Variants in MAOB observed in about 807,000 individuals in gnomAD.
MAOB encodes amine oxidase [flavin-containing] B.
MAOB carries 15 observed loss-of-function variants against 41.9 expected under a neutral mutation model. The ratio of observed to expected loss-of-function variants is 0.36; its 90% CI spans 0.24 to 0.55. The LOEUF (loss-of-function observed/expected upper bound fraction) is 0.55, where lower values mean the gene tolerates loss of function less well. Among genes scored for constraint, MAOB ranks in the 20% least tolerant of loss-of-function variants. The pLI, the probability that MAOB is intolerant of heterozygous loss-of-function variation, is 0.86. For missense variants in MAOB, 345 were observed against 398.7 expected (o/e 0.87, Z 1.15); for synonymous variants, 167 against 144.2 (o/e 1.16, Z -1.13).
At chrX:43,856,559 C>A (rs1160284144) in intron 1 of MAOB, among the ~76,000 whole-genome samples, 1 of 111,795 alleles carries the variant, frequency 8.9e-6, no homozygotes, top group Non-Finnish European at 1.9e-5. Flanking sequence ...TTGGCTCTCC[C>A]AAAACTCAAT....
chrX:43,796,463 G>A (rs1013566539), intron 6 of MAOB, among the ~76,000 whole-genome samples: 1 of 111,119 alleles, frequency 9.0e-6, no homozygotes, highest in African/African-American at 3.3e-5. Flanking sequence ...ACTTCCAAAT[G>A]TTCTACCTGG....
intron 8 of MAOB, among the ~76,000 whole-genome samples, chrX:43,790,369 A>G (rs2034447776): frequency 8.9e-6 from 1 of 112,002 alleles, no homozygotes; most frequent in African/African-American, 3.3e-5. Context: ...TGGTGTTTCT[A>G]TAATAGCCTA....
chrX:43,844,924 T>C lies in MAOB; in HGVS notation c.47-1160A>G, dbSNP rs2035183865. Reference sequence around the variant, plus strand: ...GCCTATCATGGGGCTCCTCTATCTGTGTGATGGTGGGAGCCAATTCCCCCA... The same window carrying C: ...GCCTATCATGGGGCTCCTCTATCTGCGTGATGGTGGGAGCCAATTCCCCCA... On this transcript the variant is annotated intron_variant, in intron 1 of 14. Coordinates refer to ENST00000378069, the MANE Select transcript of MAOB (RefSeq NM_000898.5). 2.7e-5 allele frequency among the ~76,000 whole-genome samples: 3 copies of C among 111,924 alleles called. No homozygotes were observed. In the South Asian group the frequency reaches 1.1e-3, roughly 42 times the overall value.
chrX:43,856,205 T>A (rs978493081), intron 1 of MAOB, among the ~76,000 whole-genome samples: 1 of 110,787 alleles, frequency 9.0e-6, no homozygotes. Context: ...TGCCTCAGCC[T>A]CCTGAGTAGC....
chrX:43,795,798 A>G lies in MAOB; in HGVS notation c.709T>C (p.Tyr237His), dbSNP rs2034520375. 4 of 1,211,154 alleles carry G rather than the reference A, an allele frequency of 3.3e-6. No homozygotes were observed. Among genetic ancestry groups the G allele is most frequent in the Non-Finnish European group, 4.5e-6 (4 of 894,804 alleles). The change falls in exon 7 of 15, where the codon TAC becomes CAC. Residue 237 changes from tyrosine to histidine, a missense_variant. Coordinates refer to ENST00000378069, the MANE Select transcript of MAOB (RefSeq NM_000898.5). Reference sequence around the variant, plus strand: ...ACATTTTCTCTTGTCTGGTCAATGTAGATCACAGGCCTCTCCAGCTTCACT... The same window carrying G: ...ACATTTTCTCTTGTCTGGTCAATGTGGATCACAGGCCTCTCCAGCTTCACT... The part of the protein sequence containing the change: ...DRVKLERPVI[Y>H]IDQTRENVLV...
chrX:43,774,287 T>C (rs1014883964), intron 12 of MAOB, among the ~76,000 whole-genome samples: 1 of 111,804 alleles, frequency 8.9e-6, no homozygotes, highest in African/African-American at 3.3e-5. Flanking sequence ...AGTTCATTTA[T>C]TGTCATCAAA....
intron 8 of MAOB, among the ~76,000 whole-genome samples, chrX:43,791,516 G>A (rs1488348099): frequency 8.9e-6 from 1 of 111,836 alleles, no homozygotes; most frequent in Non-Finnish European, 1.9e-5. Flanking sequence ...CCAGCACTTT[G>A]GGAGGCCGAG....
At chrX:43,867,730 A>G (rs2035374793) in intron 1 of MAOB, among the ~76,000 whole-genome samples, 1 of 112,506 alleles carries the variant, frequency 8.9e-6, no homozygotes, top group Non-Finnish European at 1.9e-5. Flanking sequence ...AATACCAGGC[A>G]GATATTGCTG....
intron 12 of MAOB, among the ~76,000 whole-genome samples, chrX:43,769,953 G>T (rs2034160590): frequency 9.0e-6 from 1 of 110,665 alleles, no homozygotes; most frequent in Admixed American, 9.5e-5. Context: ...TTGAACACTT[G>T]CCTGTACTGG....
intron 3 of MAOB, among the ~76,000 whole-genome samples, chrX:43,810,645 T>A (rs2034735836): frequency 9.0e-6 from 1 of 111,601 alleles, no homozygotes; most frequent in Non-Finnish European, 1.9e-5. Context: ...TGGACTAGAA[T>A]CTCATTAGAA....
At chrX:43,837,480 G>C (rs1692904587) in intron 3 of MAOB, among the ~76,000 whole-genome samples, 2 of 112,410 alleles carry the variant, frequency 1.8e-5, no homozygotes, top group African/African-American at 6.5e-5. Flanking sequence ...TTACAGGCGT[G>C]AGCCACTGTG....
intron 1 of MAOB, among the ~76,000 whole-genome samples, chrX:43,860,314 A>T (rs1602031544): frequency 8.9e-6 from 1 of 111,833 alleles, no homozygotes; most frequent in Non-Finnish European, 1.9e-5. Context: ...TGTAATAATC[A>T]TGTCAAATAT....
At position 43,780,329 on chromosome X, in the gene MAOB, T is replaced by C; in HGVS notation, c.1079+13A>G. On this transcript the variant is annotated intron_variant, in intron 10 of 14. Transcript: ENST00000378069. ...GAAGGAAGAAACGAAAGAAGCAGCA[T>C]TTCTTTTGTTACCTTTCCTCTTTGG... The C allele has an allele frequency of 3.4e-6, 4 of 1,191,702 alleles. No homozygotes were observed. In the South Asian group the frequency reaches 7.2e-5, roughly 21 times the overall value.
intron 11 of MAOB, among the ~76,000 whole-genome samples, chrX:43,778,009 CT>C (rs1428392805): frequency 7.2e-5 from 8 of 111,009 alleles, no homozygotes; most frequent in Admixed American, 9.6e-5. Context: ...TACCCTGCCC[CT>C]ATCCCACCTT....
intron 12 of MAOB, among the ~76,000 whole-genome samples, chrX:43,771,529 T>C (rs1185372863): frequency 9.0e-6 from 1 of 111,396 alleles, no homozygotes; most frequent in Non-Finnish European, 1.9e-5. Context: ...ACATGAAATA[T>C]ATAGAGAGCC....
At chrX:43,825,751 A>G (rs764004823) in intron 3 of MAOB, among the ~76,000 whole-genome samples, 2 of 112,507 alleles carry the variant, frequency 1.8e-5, no homozygotes, top group East Asian at 5.6e-4. Context: ...CTTTTTGCAT[A>G]ATTCAGCAAG....
chrX:43,877,324 C>T (rs2035446237), intron 1 of MAOB, among the ~76,000 whole-genome samples: 1 of 110,513 alleles, frequency 9.0e-6, no homozygotes, highest in Non-Finnish European at 1.9e-5. Flanking sequence ...CTTAAACCTG[C>T]CCTGGTGACT....
chrX:43,808,968 A>C (rs941201811), intron 3 of MAOB, among the ~76,000 whole-genome samples: 1 of 111,337 alleles, frequency 9.0e-6, no homozygotes, highest in Non-Finnish European at 1.9e-5. Context: ...CTGGAATTAC[A>C]GGTGTGAGTC....
chrX:43,788,864 A>C (rs1455404397), intron 8 of MAOB, among the ~76,000 whole-genome samples: 2 of 111,394 alleles, frequency 1.8e-5, no homozygotes, highest in African/African-American at 3.3e-5. Context: ...TCCAGTATAT[A>C]TAGTTCTCTC....
Sources: gnomAD v4.1 joint callset for allele counts (sites outside exome capture counted in the v4.1 genomes callset) on GRCh38, gnomAD v4.1.1 for gene constraint, MANE v1.5 for transcripts, NCBI Gene and HGNC (gene_info 2026-07-23, HGNC 2026-07-21) for gene names.